The following DYNLT3 variants were observed in gnomAD, a reference collection of about 807,000 sequenced individuals.
The protein encoded by DYNLT3 is protein 91/23.
A neutral mutation model predicts 11.0 loss-of-function variants in DYNLT3; 4 were observed. That is an observed-to-expected ratio of 0.36 (90% CI 0.18 to 0.83). The LOEUF (loss-of-function observed/expected upper bound fraction) is 0.83. Among genes scored for constraint, DYNLT3 ranks in the 40% least tolerant of loss-of-function variants. DYNLT3 has a pLI of 0.47. For missense variants in DYNLT3, 91 were observed against 91.1 expected (o/e 1.00, Z 0.01); for synonymous variants, 37 against 31.2 (o/e 1.18, Z -0.61).
Position 37,841,435 on chromosome X carries a change from A to G in DYNLT3, c.197-330T>C, listed in dbSNP as rs1043296045. Reference sequence around the variant, plus strand: ...ATTCAGACACAGAAATGCAGGAAATACTCCACTTTATAAACAGTTGCTGTG... The same window carrying G: ...ATTCAGACACAGAAATGCAGGAAATGCTCCACTTTATAAACAGTTGCTGTG... On this transcript the variant is annotated intron_variant, in intron 3 of 4. Coordinates refer to ENST00000378578, the MANE Select transcript of DYNLT3 (RefSeq NM_006520.3). Among the ~76,000 whole-genome samples, 3 of 110,559 alleles carry G rather than the reference A, an allele frequency of 2.7e-5. No individual in the cohort carries two copies. The Admixed American group carries it at 2.9e-4, about 11-fold the overall frequency.
chrX:37,844,586 A>G (rs1218365009), intron 2 of DYNLT3, among the ~76,000 whole-genome samples: 1 of 112,283 alleles, frequency 8.9e-6, no homozygotes, highest in African/African-American at 3.2e-5. Context: ...TGTTAGAAAC[A>G]TGTTTCTTTT....
At position 37,846,488 on chromosome X, in the gene DYNLT3, A is replaced by G. The variant is rs1048562765; in HGVS notation, c.31-130T>C. 8.5e-5 allele frequency: 48 copies of G among 565,917 alleles called. No homozygotes were observed. The Middle Eastern group carries it at 1.1e-3, about 13-fold the overall frequency. The allele number at this position is 565,917 out of a possible 1,213,427, so 46.6% of individuals were successfully genotyped here. On this transcript the variant is annotated intron_variant, in intron 1 of 4. Transcript: ENST00000378578. ...GGCATCAGGTCTACAGAAGGGGCCA[A>G]TCTTGCCCCTAAACACTTAAAAATA...
At chrX:37,843,916 A>G (rs1007777381) in intron 2 of DYNLT3, among the ~76,000 whole-genome samples, 1 of 111,673 alleles carries the variant, frequency 9.0e-6, no homozygotes, top group African/African-American at 3.3e-5. Context: ...CAATGTCTCA[A>G]TGGAAATGTT....
Position 37,847,154 on chromosome X carries a change from T to C in DYNLT3, c.30+327A>G, listed in dbSNP as rs1046914517. On this transcript the variant is annotated intron_variant, in intron 1 of 4. Coordinates refer to ENST00000378578, the MANE Select transcript of DYNLT3 (RefSeq NM_006520.3). ...GAGGCAGCAGCGGGAAGACCCGTTT[T>C]CGAGGCCCGCCCGGTAGGAGGGCGG... The C allele has an allele frequency of 4.4e-6, 5 of 1,136,681 alleles. No homozygotes were observed. The African/African-American group carries it at 7.4e-5, about 17-fold the overall frequency. 93.7% of individuals were successfully genotyped at this position (1,136,681 alleles called of 1,213,427 possible).
chrX:37,841,710 C>A, intron 3 of DYNLT3, 72 bp downstream of exon 3: 1 of 1,067,171 alleles, frequency 9.4e-7, no homozygotes, highest in South Asian at 2.8e-5. Flanking sequence ...TGTACATATA[C>A]CTTCTCAAAA....
At position 37,839,212 on chromosome X, in the gene DYNLT3, C is replaced by T. The variant is rs1170585042; in HGVS notation, c.*1363G>A. 1 of 111,907 alleles carries T rather than the reference C, an allele frequency of 8.9e-6. No individual in the cohort carries two copies. The highest frequency in any genetic ancestry group is 1.9e-5 in the Non-Finnish European group (1 of 53,092). 9.2% of individuals were successfully genotyped at this position (111,907 alleles called of 1,213,427 possible). Reference sequence around the variant, plus strand: ...TGTCAATATTAACGCTAAGCTTATTCCTCTCCAAAATTCAATGAGTTATGG... The same window carrying T: ...TGTCAATATTAACGCTAAGCTTATTTCTCTCCAAAATTCAATGAGTTATGG... On this transcript the variant is annotated 3_prime_UTR_variant, in exon 5 of 5. Transcript: ENST00000378578.
chrX:37,847,386 C>T (rs1452692999), intron 1 of DYNLT3, 95 bp downstream of exon 1: 11 of 995,936 alleles, frequency 1.1e-5, no homozygotes, highest in African/African-American at 2.0e-5. Context: ...CACCCCAACT[C>T]TTGGGACCGC....
Position 37,842,194 on chromosome X carries a change from C to T in DYNLT3, c.73-289G>A, listed in dbSNP as rs185546975. On this transcript the variant is annotated intron_variant, in intron 2 of 4. Transcript: ENST00000378578. ...TAAATAACTTAATCTAGCAGAGAAG[C>T]TAATAAAAAAATTCGAATATCTATA... 2.7e-5 allele frequency among the ~76,000 whole-genome samples: 3 copies of T among 110,532 alleles called. No homozygotes were observed. The East Asian group carries it at 8.5e-4, about 31-fold the overall frequency.
At chrX:37,841,290 C>T (rs775008629) in intron 3 of DYNLT3, among the ~76,000 whole-genome samples, 185 bp from the exon 4 acceptor site, 57 of 112,290 alleles carry the variant, frequency 5.1e-4, no homozygotes, top group Non-Finnish European at 9.2e-4. Flanking sequence ...TCATCTTTAT[C>T]TACCATCATG....
intron 1 of DYNLT3, among the ~76,000 whole-genome samples, chrX:37,846,580 T>TA (rs1188076918): frequency 5.4e-5 from 6 of 111,364 alleles, no homozygotes; most frequent in South Asian, 3.8e-4. Context: ...CATTTTTTTT[T>TA]AAAAAAGTGC....
intron 2 of DYNLT3, 32 bp from the exon 3 acceptor site, chrX:37,841,937 C>A: frequency 9.4e-7 from 1 of 1,063,322 alleles, no homozygotes; most frequent in South Asian, 3.1e-5. Context: ...TTAATTTAGT[C>A]AGTAAAATTG....
intron 1 of DYNLT3, chrX:37,846,951 G>C (rs1930277616): frequency 1.8e-6 from 2 of 1,124,537 alleles, no homozygotes; most frequent in Admixed American, 5.2e-5. Flanking sequence ...CTGACATCAT[G>C]GGTTTCTGGT....
At chrX:37,845,887 T>C (rs1391694904) in intron 2 of DYNLT3, among the ~76,000 whole-genome samples, 4 of 112,520 alleles carry the variant, frequency 3.6e-5, no homozygotes, top group African/African-American at 1.3e-4. Flanking sequence ...AATCTTGTTC[T>C]TGGCCGGGTG....
chrX:37,841,818 GTGTTAAGGAT>G lies in DYNLT3; in HGVS notation c.150_159del (p.Gln50HisfsTer14). 2 of 1,175,978 alleles carry G rather than the reference GTGTTAAGGAT, an allele frequency of 1.7e-6. No homozygotes were observed. Among genetic ancestry groups the G allele is most frequent in the Non-Finnish European group, 2.3e-6 (2 of 870,517 alleles). ...TAGGCTTTTCCCAACTTAACCAGGTGTGTTAAGGATTGTTCCACTATGCTTGCAGTCCACT... is the reference window on the plus strand; with the variant it reads ...TAGGCTTTTCCCAACTTAACCAGGTGTGTTCCACTATGCTTGCAGTCCACT... On this transcript the variant is annotated frameshift_variant, in exon 3 of 5. Transcript: ENST00000378578. LOFTEE classifies it high-confidence loss of function.
In DYNLT3 at chrX:37,839,491, T is replaced by C. The variant is rs764108309; in HGVS notation, c.*1084A>G. On this transcript the variant is annotated 3_prime_UTR_variant, in exon 5 of 5. Transcript: ENST00000378578. The stretch of plus-strand genomic sequence containing the variant: ...GTCTTTTAAGTTATTTACAGATGGT[T>C]GTAACTAAAGCAATGACAAAATTTA... 28 of 112,599 alleles carry C rather than the reference T, an allele frequency of 2.5e-4. No individual in the cohort carries two copies. The highest frequency in any genetic ancestry group is 4.7e-4 in the Non-Finnish European group (25 of 53,237). 9.3% of individuals were successfully genotyped at this position (112,599 alleles called of 1,213,427 possible).
At chrX:37,842,594 G>A (rs1930194116) in intron 2 of DYNLT3, among the ~76,000 whole-genome samples, 1 of 111,671 alleles carries the variant, frequency 9.0e-6, no homozygotes, top group Non-Finnish European at 1.9e-5. Flanking sequence ...CTGATTAAAA[G>A]CACTGGCTCT....
At chrX:37,840,756 AC>A (rs1930132895) in intron 4 of DYNLT3, 105 bp from the exon 5 acceptor site, 2 of 281,349 alleles carry the variant, frequency 7.1e-6, no homozygotes, top group Non-Finnish European at 1.2e-5. Context: ...ACATATACAC[AC>A]ACACACACAC....
At chrX:37,841,209 A>G in intron 3 of DYNLT3, 104 bp from the exon 4 acceptor site, 1 of 562,253 alleles carries the variant, frequency 1.8e-6, no homozygotes, top group Non-Finnish European at 2.7e-6. Context: ...ACAAGACAAA[A>G]AACAAACAAA....
chrX:37,847,515 G>A lies in DYNLT3; in HGVS notation c.-5C>T. 2.0e-6 allele frequency: 2 copies of A among 976,636 alleles called. No individual in the cohort carries two copies. The highest frequency in any genetic ancestry group is 1.3e-6 in the Non-Finnish European group (1 of 773,549). 80.5% of individuals were successfully genotyped at this position (976,636 alleles called of 1,213,427 possible). On this transcript the variant is annotated 5_prime_UTR_variant, in exon 1 of 5. Coordinates refer to ENST00000378578, the MANE Select transcript of DYNLT3 (RefSeq NM_006520.3). ...GTGGCGATGGTACTCCTCCATGGTAGCGCCGGCTCTCCCTGGGGCGGAGCG... is the reference window on the plus strand; with the variant it reads ...GTGGCGATGGTACTCCTCCATGGTAACGCCGGCTCTCCCTGGGGCGGAGCG...
Sources: gnomAD v4.1 joint callset for allele counts (sites outside exome capture counted in the v4.1 genomes callset) on GRCh38, gnomAD v4.1.1 for gene constraint, MANE v1.5 for transcripts, NCBI Gene and HGNC (gene_info 2026-07-23, HGNC 2026-07-21) for gene names.